Variants in PITPNC1 observed in about 807,000 individuals in gnomAD.
PITPNC1 encodes cytoplasmic phosphatidylinositol transfer protein 1.
Under a neutral mutation model 44.7 loss-of-function variants are expected in PITPNC1, and 18 were observed. The observed-to-expected ratio is 0.40, with a 90% CI of 0.28 to 0.60. The LOEUF is 0.60. Ranked by LOEUF, PITPNC1 falls within the 20% of genes least tolerant of loss-of-function variation. The pLI is 0.39. For missense variants in PITPNC1, 290 were observed against 418.4 expected (o/e 0.69, Z 2.68); for synonymous variants, 141 against 149.6 (o/e 0.94, Z 0.42).
chr17:67,389,732 T>C (rs149707946), intron 1 of PITPNC1, among the ~76,000 whole-genome samples: 2 of 152,080 alleles, frequency 1.3e-5, no homozygotes, highest in African/African-American at 4.8e-5. Flanking sequence ...CAGGCTAGAG[T>C]GCTATGGCGC....
At chr17:67,436,537 A>C (rs2038938961) in intron 1 of PITPNC1, among the ~76,000 whole-genome samples, 2 of 152,032 alleles carry the variant, frequency 1.3e-5, no homozygotes, top group Admixed American at 1.3e-4. Context: ...TGATGGAACG[A>C]ACGTACCGGA....
intron 1 of PITPNC1, among the ~76,000 whole-genome samples, chr17:67,453,329 C>A (rs1337374107): frequency 6.6e-6 from 1 of 151,782 alleles, no homozygotes; most frequent in Admixed American, 6.6e-5. Context: ...TTTTCCTTTG[C>A]TTTGCTTACC....
At chr17:67,682,884 G>C (rs571833902) in intron 8 of PITPNC1, among the ~76,000 whole-genome samples, 1 of 152,096 alleles carries the variant, frequency 6.6e-6, no homozygotes, top group Non-Finnish European at 1.5e-5. Context: ...AGTTTGGGCC[G>C]GGTGTGGTGG....
chr17:67,427,139 TAGTC>T lies in PITPNC1; in HGVS notation c.48+48940_48+48943del, dbSNP rs201476691. Among the ~76,000 whole-genome samples, 1,151 of 152,294 alleles carry T rather than the reference TAGTC, an allele frequency of 7.6e-3. 7 individuals are homozygous for T. Among genetic ancestry groups the T allele is most frequent in the Middle Eastern group, 0.027 (8 of 292 alleles). ...GTTGTCTGGAATGAGTTCATACTAA[TAGTC>T]AGGGCTCTGGGCATTGTGAGACCCT... On this transcript the variant is annotated intron_variant, in intron 1 of 8. Coordinates refer to ENST00000581322, the MANE Select transcript of PITPNC1 (RefSeq NM_012417.4).
At chr17:67,400,770 C>G (rs957157682) in intron 1 of PITPNC1, among the ~76,000 whole-genome samples, 6 of 149,996 alleles carry the variant, frequency 4.0e-5, no homozygotes, top group Non-Finnish European at 8.9e-5. Context: ...CCATTTTAAT[C>G]GATATATATT....
chr17:67,415,652 G>T (rs1056659493), intron 1 of PITPNC1, among the ~76,000 whole-genome samples: 1 of 152,136 alleles, frequency 6.6e-6, no homozygotes, highest in African/African-American at 2.4e-5. Context: ...TTACAATTAC[G>T]TGGACATGGT....
At chr17:67,611,245 G>A (rs1433055556) in intron 5 of PITPNC1, 1 of 152,236 alleles carries the variant, frequency 6.6e-6, no homozygotes, top group African/African-American at 2.4e-5. Context: ...ACATGTGCCT[G>A]TAGTACTGGG....
intron 5 of PITPNC1, among the ~76,000 whole-genome samples, chr17:67,594,771 T>A (rs1231019145): frequency 6.6e-6 from 1 of 152,178 alleles, no homozygotes; most frequent in Non-Finnish European, 1.5e-5. Flanking sequence ...TGTCTTTGAA[T>A]CCCAAGTCAA....
chr17:67,601,204 A>C (rs2041534835), intron 5 of PITPNC1, among the ~76,000 whole-genome samples: 1 of 152,164 alleles, frequency 6.6e-6, no homozygotes. Context: ...AGATTATCAA[A>C]GATTTTTTTT....
chr17:67,466,197 T>TGG (rs146770264), intron 1 of PITPNC1, among the ~76,000 whole-genome samples: 33 of 59,196 alleles, frequency 5.6e-4, no homozygotes, highest in East Asian at 2.6e-3. Flanking sequence ...GATGGTGGGG[T>TGG]GGGGGGGTGG....
intron 1 of PITPNC1, among the ~76,000 whole-genome samples, chr17:67,507,644 G>A (rs181275809): frequency 1.5e-3 from 202 of 136,188 alleles, no homozygotes; most frequent in African/African-American, 5.5e-3. Flanking sequence ...GGATCGTACT[G>A]CTGCACTCCA....
At chr17:67,434,202 T>C (rs765150648) in intron 1 of PITPNC1, among the ~76,000 whole-genome samples, 8 of 152,198 alleles carry the variant, frequency 5.3e-5, no homozygotes, top group Non-Finnish European at 1.0e-4. Flanking sequence ...GTAATGGTGA[T>C]GTAATGCTGA....
At chr17:67,666,864 TGCCAGATGGCCTTGGCGGAGCCACG>T (rs1199818804) in intron 6 of PITPNC1, among the ~76,000 whole-genome samples, 1 of 152,220 alleles carries the variant, frequency 6.6e-6, no homozygotes, top group Non-Finnish European at 1.5e-5. Context: ...TAGAGGCCAG[TGCCAGATGGCCTTGGCGGAGCCACG>T]GCCAGATCTG....
chr17:67,504,303 A>G (rs2040073050), intron 1 of PITPNC1, among the ~76,000 whole-genome samples: 1 of 152,206 alleles, frequency 6.6e-6, no homozygotes, highest in African/African-American at 2.4e-5. Flanking sequence ...TCTAGAGCAA[A>G]TGAAAATACA....
chr17:67,412,091 A>G (rs947166743), intron 1 of PITPNC1, among the ~76,000 whole-genome samples: 2 of 152,190 alleles, frequency 1.3e-5, no homozygotes, highest in African/African-American at 4.8e-5. Flanking sequence ...TCTGTGACCC[A>G]CAGTTTCCTT....
rs561988692 is a variant in PITPNC1, at chr17:67,503,186, A to T, written c.49-29616A>T. On this transcript the variant is annotated intron_variant, in intron 1 of 8. Coordinates refer to ENST00000581322, the MANE Select transcript of PITPNC1 (RefSeq NM_012417.4). ...AATAAAGTTACCAAAAACTCAAAAT[A>T]AAAGAAGTAGATTTATTGAGAAGTA... is the stretch of plus-strand genomic sequence containing the variant. 6.6e-5 allele frequency among the ~76,000 whole-genome samples: 10 copies of T among 151,974 alleles called. No individual in the cohort carries two copies. The East Asian group carries it at 1.9e-3, about 29-fold the overall frequency.
chr17:67,379,204 C>T (rs2037920530), intron 1 of PITPNC1: 1 of 985,646 alleles, frequency 1.0e-6, no homozygotes, highest in Non-Finnish European at 1.2e-6. Flanking sequence ...GGTGTGGCAA[C>T]ACACATGAAA....
chr17:67,681,555 A>T (rs2042706042), intron 8 of PITPNC1, among the ~76,000 whole-genome samples: 1 of 149,442 alleles, frequency 6.7e-6, no homozygotes, highest in African/African-American at 2.5e-5. Flanking sequence ...GCTGCAGGGA[A>T]CTATGGTCAC....
intron 6 of PITPNC1, among the ~76,000 whole-genome samples, chr17:67,662,736 A>G (rs979871359): frequency 3.3e-5 from 5 of 152,134 alleles, no homozygotes; most frequent in African/African-American, 1.2e-4. Context: ...TCTGAAGCTC[A>G]TCTGTGTTGG....
Sources: gnomAD v4.1 joint callset for allele counts (sites outside exome capture counted in the v4.1 genomes callset) on GRCh38, gnomAD v4.1.1 for gene constraint, MANE v1.5 for transcripts, NCBI Gene and HGNC (gene_info 2026-07-23, HGNC 2026-07-21) for gene names.